Variants in CCDC30 observed in about 807,000 individuals in gnomAD.
CCDC30 encodes the protein coiled-coil domain containing 30, also known as coiled-coil domain-containing protein 30.
Under a neutral mutation model 100.2 loss-of-function variants are expected in CCDC30, and 70 were observed. The ratio of observed to expected loss-of-function variants is 0.70; its 90% CI spans 0.58 to 0.85. The LOEUF is 0.85. Among genes scored for constraint, CCDC30 ranks in the 40% least tolerant of loss-of-function variants. The pLI is 0.00. For synonymous variants in CCDC30, 233 were observed against 269.5 expected (o/e 0.86, Z 1.33); for missense variants, 652 against 771.2 (o/e 0.85, Z 1.83).
At chr1:42,498,032 G>A (rs1246170392) in intron 5 of CCDC30, among the ~76,000 whole-genome samples, 2 of 152,272 alleles carry the variant, frequency 1.3e-5, no homozygotes, top group South Asian at 2.1e-4. Flanking sequence ...TCAGATGCTC[G>A]TTGATAGAGG....
chr1:42,584,636 T>C (rs1300719557), intron 9 of CCDC30, among the ~76,000 whole-genome samples: 2 of 152,154 alleles, frequency 1.3e-5, no homozygotes, highest in East Asian at 1.9e-4. Flanking sequence ...GTTATTATAA[T>C]ATTGGATGTT....
chr1:42,477,209 C>T (rs1643893487), intron 1 of CCDC30, among the ~76,000 whole-genome samples: 1 of 151,794 alleles, frequency 6.6e-6, no homozygotes, highest in African/African-American at 2.4e-5. Context: ...TATTGTATGT[C>T]CTACTGCCAA....
intron 6 of CCDC30, among the ~76,000 whole-genome samples, chr1:42,507,138 G>T: frequency 6.6e-6 from 1 of 152,034 alleles, no homozygotes; most frequent in East Asian, 1.9e-4. Context: ...TGTTGTTCAG[G>T]CTGGTCTCTA....
At chr1:42,656,066 T>A (rs1215863943), downstream of CCDC30, among the ~76,000 whole-genome samples, 1 of 151,884 alleles carries the variant, frequency 6.6e-6, no homozygotes, top group Non-Finnish European at 1.5e-5. Context: ...GGTCTCACTC[T>A]CACTCTATTG....
chr1:42,606,434 C>T (rs1570226412), intron 10 of CCDC30, among the ~76,000 whole-genome samples: 1 of 152,146 alleles, frequency 6.6e-6, no homozygotes, highest in Non-Finnish European at 1.5e-5. Context: ...TCTGCTACCA[C>T]ACCTGGCTAA....
At chr1:42,510,455 A>G (rs559567164) in intron 6 of CCDC30, among the ~76,000 whole-genome samples, 76 of 152,226 alleles carry the variant, frequency 5.0e-4, no homozygotes, top group African/African-American at 1.8e-3. Context: ...TCAGGAGATC[A>G]AGACCATCCT....
chr1:42,523,708 G>A (rs10159165), intron 6 of CCDC30, among the ~76,000 whole-genome samples: 2 of 151,882 alleles, frequency 1.3e-5, no homozygotes, highest in Non-Finnish European at 2.9e-5. Context: ...GGACTCCCCA[G>A]TGTGTATGTT....
At chr1:42,636,834 C>T (rs939103008) in intron 11 of CCDC30, among the ~76,000 whole-genome samples, 2 of 151,610 alleles carry the variant, frequency 1.3e-5, no homozygotes, top group Non-Finnish European at 2.9e-5. Context: ...GGCATGGTGG[C>T]AGGCACCTGT....
At chr1:42,551,840 G>A (rs1645259239) in intron 6 of CCDC30, among the ~76,000 whole-genome samples, 1 of 151,246 alleles carries the variant, frequency 6.6e-6, no homozygotes, top group Non-Finnish European at 1.5e-5. Context: ...CTACAACATC[G>A]ACCTTCTGGG....
intron 1 of CCDC30, among the ~76,000 whole-genome samples, chr1:42,465,458 G>A (rs1280318390): frequency 3.9e-5 from 6 of 152,080 alleles, no homozygotes; most frequent in African/African-American, 1.4e-4. Flanking sequence ...TCCGCCTCCC[G>A]GGTTCAAGTG....
chr1:42,487,774 T>G (rs1046156284), intron 3 of CCDC30, among the ~76,000 whole-genome samples: 2 of 152,154 alleles, frequency 1.3e-5, no homozygotes, highest in African/African-American at 4.8e-5. Flanking sequence ...TCTTACACCC[T>G]CAAGGACTGA....
chr1:42,651,374 A>T lies in CCDC30; in HGVS notation c.1855-2002A>T, dbSNP rs571969281. ...ATATCCAAAATATATAAGGATCTCAACTCAATAGCAAGAACACAACCCAAT... is the reference window on the plus strand; with the variant it reads ...ATATCCAAAATATATAAGGATCTCATCTCAATAGCAAGAACACAACCCAAT... On this transcript the variant is annotated intron_variant, in intron 15 of 16. Coordinates refer to ENST00000668663, the Ensembl canonical transcript of CCDC30. Among the ~76,000 whole-genome samples, 6 of 152,266 alleles carry T rather than the reference A, an allele frequency of 3.9e-5. No homozygotes were observed. The East Asian group carries it at 1.2e-3, about 29-fold the overall frequency.
intron 6 of CCDC30, among the ~76,000 whole-genome samples, chr1:42,518,370 T>C (rs1485151648): frequency 6.6e-6 from 1 of 152,180 alleles, no homozygotes; most frequent in Non-Finnish European, 1.5e-5. Context: ...TGGTGAAATA[T>C]TTAGGTTTCT....
At position 42,484,093 on chromosome 1, in the gene CCDC30, C is replaced by T. The variant is rs551632065; in HGVS notation, c.169+1277C>T. Among the ~76,000 whole-genome samples, 14 of 120,662 alleles carry T rather than the reference C, an allele frequency of 1.2e-4. No homozygotes were observed. The East Asian group carries it at 3.5e-3, about 31-fold the overall frequency. The allele number at this position is 120,662 out of a possible 152,430, so 79.2% of individuals were successfully genotyped here. On this transcript the variant is annotated intron_variant, in intron 3 of 16. Transcript: ENST00000668663. The stretch of plus-strand genomic sequence containing the variant: ...CATTAAAAATGTTAAATGTATAAAA[C>T]AATAATGATTATGCCTGTGTGATTA...
intron 7 of CCDC30, among the ~76,000 whole-genome samples, chr1:42,570,475 A>C (rs1322839092): frequency 1.3e-5 from 2 of 152,220 alleles, no homozygotes; most frequent in African/African-American, 4.8e-5. Context: ...CCTAGTAGTC[A>C]TAAAGTAAAT....
chr1:42,651,174 A>T (rs1648315040), intron 15 of CCDC30, among the ~76,000 whole-genome samples: 1 of 152,158 alleles, frequency 6.6e-6, no homozygotes, highest in South Asian at 2.1e-4. Context: ...CTGGACAACA[A>T]TTTTTCCAAT....
chr1:42,465,157 A>G (rs1179393875), intron 1 of CCDC30, among the ~76,000 whole-genome samples: 1 of 152,152 alleles, frequency 6.6e-6, no homozygotes, highest in Admixed American at 6.5e-5. Flanking sequence ...CAAAAAATGC[A>G]AAAAATTAGC....
chr1:42,575,245 C>A (rs1645808486), intron 7 of CCDC30, among the ~76,000 whole-genome samples: 1 of 152,152 alleles, frequency 6.6e-6, no homozygotes, highest in African/African-American at 2.4e-5. Flanking sequence ...TATACATTCA[C>A]TACGTTCTGA....
At chr1:42,619,547 G>A (rs1646790578) in intron 11 of CCDC30, among the ~76,000 whole-genome samples, 2 of 152,168 alleles carry the variant, frequency 1.3e-5, no homozygotes, top group South Asian at 4.1e-4. Context: ...AAGAATGGGG[G>A]CTTAGATCAT....
Sources: gnomAD v4.1 joint callset for allele counts (sites outside exome capture counted in the v4.1 genomes callset) on GRCh38, gnomAD v4.1.1 for gene constraint, MANE v1.5 for transcripts, NCBI Gene and HGNC (gene_info 2026-07-23, HGNC 2026-07-21) for gene names.